Variants in ADGB observed in about 807,000 individuals in gnomAD.
The protein encoded by ADGB is androglobin.
Under a neutral mutation model 210.5 loss-of-function variants are expected in ADGB, and 172 were observed. The ratio of observed to expected loss-of-function variants is 0.82; its 90% confidence interval spans 0.72 to 0.93. The LOEUF is 0.93. ADGB is among the 40% of genes least tolerant of loss of function. The pLI is 0.00. For missense variants in ADGB, 2,025 were observed against 1,964.8 expected (o/e 1.03, Z -0.58); for synonymous variants, 658 against 662.7 (o/e 0.99, Z 0.11).
At chr6:146,632,620 T>C (rs965388253) in intron 1 of ADGB, among the ~76,000 whole-genome samples, 1 of 152,134 alleles carries the variant, frequency 6.6e-6, no homozygotes, top group African/African-American at 2.4e-5. Context: ...CCCTTACATA[T>C]AGAGTACCAG....
At chr6:146,732,842 C>A (rs1008285442) in intron 20 of ADGB, among the ~76,000 whole-genome samples, 4 of 151,842 alleles carry the variant, frequency 2.6e-5, no homozygotes, top group Admixed American at 6.6e-5. Flanking sequence ...ATTTTTTTTA[C>A]CTTATTCTTT....
chr6:146,786,619 A>G (rs1254563799), intron 32 of ADGB, among the ~76,000 whole-genome samples: 2 of 152,158 alleles, frequency 1.3e-5, no homozygotes, highest in African/African-American at 4.8e-5. Context: ...TACTCATCTT[A>G]GAGATAAAGA....
intron 25 of ADGB, among the ~76,000 whole-genome samples, chr6:146,743,609 G>A (rs1437120151): frequency 1.1e-4 from 17 of 152,256 alleles, no homozygotes. Flanking sequence ...ACTCTAGCCA[G>A]CTCTGTTTAG....
In ADGB at chr6:146,676,432, C is replaced by A; in HGVS notation, c.1207C>A (p.Leu403Ile). 1 of 1,417,118 alleles carries A rather than the reference C, an allele frequency of 7.1e-7. No individual in the cohort carries two copies. Among genetic ancestry groups the A allele is most frequent in the Non-Finnish European group, 9.3e-7 (1 of 1,079,372 alleles). 87.8% of individuals were successfully genotyped at this position (1,417,118 alleles called of 1,614,324 possible). The change falls in exon 9 of 36, where the codon CTA becomes ATA. Residue 403 changes from leucine (L) to isoleucine (I), a missense_variant. Leu to Ile is a conservative substitution (Grantham distance 5). Transcript: ENST00000397944. The stretch of plus-strand genomic sequence containing the variant: ...AGAAGTGCAGTACTCTGTGCAGTCC[C>A]TATCAGATTGTAAGCTCCTAATTTC... The part of the protein sequence containing the change: ...SSEVQYSVQS[L>I]SDCSSAIQTS...
At chr6:146,654,863 A>G (rs958200560) in intron 4 of ADGB, among the ~76,000 whole-genome samples, 1 of 152,118 alleles carries the variant, frequency 6.6e-6, no homozygotes, top group Non-Finnish European at 1.5e-5. Flanking sequence ...CAGGTATACA[A>G]TACAATATTG....
At chr6:146,616,366 T>A (rs73002212) in intron 1 of ADGB, among the ~76,000 whole-genome samples, 33,887 of 151,730 alleles carry the variant, frequency 0.22, 3,903 homozygotes, top group African/African-American at 0.24. Context: ...TTGCCCCTTC[T>A]GTAGGTTGTC....
intron 29 of ADGB, among the ~76,000 whole-genome samples, chr6:146,776,373 A>G (rs73584825): frequency 0.026 from 3,894 of 152,186 alleles, 156 homozygotes; most frequent in African/African-American, 0.088. Context: ...ATCAGTATAT[A>G]TTATTAGTTC....
chr6:146,807,318 G>C (rs1352057936), intron 35 of ADGB: 1 of 1,406,386 alleles, frequency 7.1e-7, no homozygotes, highest in African/African-American at 1.5e-5. Flanking sequence ...ATAAGGACAG[G>C]CTAAAGGAAT....
chr6:146,759,636 A>C (rs540912998), intron 27 of ADGB, among the ~76,000 whole-genome samples: 1 of 151,720 alleles, frequency 6.6e-6, no homozygotes, highest in African/African-American at 2.4e-5. Flanking sequence ...AATTTTCTGA[A>C]TGTGTACATG....
At chr6:146,812,027 C>T (rs1457623884) in intron 35 of ADGB, among the ~76,000 whole-genome samples, 3 of 152,092 alleles carry the variant, frequency 2.0e-5, no homozygotes, top group Admixed American at 1.3e-4. Context: ...CTGATTTTTG[C>T]TATTTTTCCA....
chr6:146,652,153 C>T (rs1775711934), intron 3 of ADGB, among the ~76,000 whole-genome samples: 1 of 152,150 alleles, frequency 6.6e-6, no homozygotes, highest in Admixed American at 6.5e-5. Flanking sequence ...ATTGTAGAGA[C>T]CTCTGCCTTA....
At chr6:146,648,047 T>C (rs1311012445) in intron 3 of ADGB, among the ~76,000 whole-genome samples, 1 of 152,066 alleles carries the variant, frequency 6.6e-6, no homozygotes, top group Non-Finnish European at 1.5e-5. Flanking sequence ...TATGACACAT[T>C]TGGACTTTCT....
intron 5 of ADGB, among the ~76,000 whole-genome samples, chr6:146,661,574 T>A (rs1383772510): frequency 6.6e-6 from 1 of 152,054 alleles, no homozygotes; most frequent in East Asian, 1.9e-4. Context: ...TCATCATAAA[T>A]TTTGCTTTTA....
Position 146,717,017 on chromosome 6 carries a change from AGT to A in ADGB, c.1879_1880del (p.Val627PhefsTer2). On this transcript the variant is annotated frameshift_variant, in exon 15 of 36. Transcript: ENST00000397944. LOFTEE classifies it high-confidence loss of function. Reference sequence around the variant, plus strand: ...GGAAGAACTTCCAACAACAAATAATAGTGTTTCTAAAGAAATATGGTTAGATT... The same window carrying A: ...GGAAGAACTTCCAACAACAAATAATAGTTTCTAAAGAAATATGGTTAGATT... ...SQEELPTTNN[S>X]VSKEIWLDFE... The A allele has an allele frequency of 6.4e-7, 1 of 1,551,592 alleles. No homozygotes were observed. The highest frequency in any genetic ancestry group is 8.7e-7 in the Non-Finnish European group (1 of 1,146,910).
At chr6:146,622,810 C>A (rs558768939) in intron 1 of ADGB, among the ~76,000 whole-genome samples, 3 of 152,074 alleles carry the variant, frequency 2.0e-5, no homozygotes, top group South Asian at 4.2e-4. Flanking sequence ...TCTTAGGTCA[C>A]AAAGATTCTC....
intron 1 of ADGB, among the ~76,000 whole-genome samples, chr6:146,600,961 C>T (rs1012678433): frequency 2.3e-5 from 3 of 130,858 alleles, no homozygotes; most frequent in East Asian, 4.2e-4. Context: ...CACACACACA[C>T]ACACAAATAA....
chr6:146,676,579 C>A, intron 9 of ADGB, 138 bp downstream of exon 9: 1 of 828,760 alleles, frequency 1.2e-6, no homozygotes, highest in Non-Finnish European at 1.7e-6. Context: ...ATGTTGGGTT[C>A]TCAGATGGGT....
At chr6:146,756,949 A>G (rs1362244197) in intron 27 of ADGB, among the ~76,000 whole-genome samples, 1 of 151,808 alleles carries the variant, frequency 6.6e-6, no homozygotes, top group Non-Finnish European at 1.5e-5. Context: ...CTGGTCTCAA[A>G]CTCCTGACCT....
chr6:146,734,595 T>C (rs1372889506), intron 22 of ADGB, among the ~76,000 whole-genome samples: 1 of 152,252 alleles, frequency 6.6e-6, no homozygotes, highest in East Asian at 1.9e-4. Flanking sequence ...AAATAAAATC[T>C]TTTTGCCAAT....
Sources: allele counts gnomAD v4.1 joint callset (sites outside exome capture counted in the v4.1 genomes callset), GRCh38; gene constraint gnomAD v4.1.1; transcripts MANE v1.5; gene names NCBI Gene and HGNC (gene_info 2026-07-23, HGNC 2026-07-21).